COPG2: variants seen among roughly 807,000 people sequenced by gnomAD.
COPG2 encodes the protein coatomer subunit gamma-2.
Under a neutral mutation model 46.3 loss-of-function variants are expected in COPG2, and 37 were observed. The observed-to-expected ratio is 0.80, with a 90% CI of 0.61 to 1.05. The LOEUF (loss-of-function observed/expected upper bound fraction) is 1.05. Ranked by LOEUF, COPG2 falls within the 50% of genes least tolerant of loss-of-function variation. The probability of loss-of-function intolerance (pLI) is 0.00; values close to 1 mark genes in which losing one functional copy is unlikely to be tolerated. For synonymous variants in COPG2, 159 were observed against 129.7 expected (o/e 1.23, Z -1.53); for missense variants, 427 against 387.8 (o/e 1.10, Z -0.85).
intron 20 of COPG2, among the ~76,000 whole-genome samples, chr7:130,515,322 G>A (rs1455937796): frequency 6.6e-6 from 1 of 152,086 alleles, no homozygotes. Flanking sequence ...CTTCACAGGA[G>A]AAAGATAGAG....
intron 5 of COPG2, among the ~76,000 whole-genome samples, chr7:130,632,938 CCT>C (rs1554455425): frequency 1.3e-5 from 2 of 151,928 alleles, no homozygotes; most frequent in African/African-American, 4.8e-5. Context: ...TGTTCCTCTC[CCT>C]GTGTCCATGT....
intron 20 of COPG2, among the ~76,000 whole-genome samples, chr7:130,533,611 G>C (rs1307083318): frequency 6.6e-6 from 1 of 152,142 alleles, no homozygotes; most frequent in Non-Finnish European, 1.5e-5. Flanking sequence ...GGAGAAGGTA[G>C]AATGATCAGA....
chr7:130,608,179 T>C (rs1554451539), intron 9 of COPG2: 1 of 442,674 alleles, frequency 2.3e-6, no homozygotes, highest in Non-Finnish European at 4.5e-6. Flanking sequence ...TTCATCCTTA[T>C]CACAGTGTAT....
At chr7:130,613,466 A>G in intron 7 of COPG2, 78 bp downstream of exon 7, 1 of 827,758 alleles carries the variant, frequency 1.2e-6, no homozygotes. Context: ...CATTTGTGAG[A>G]CAATCATAGT....
chr7:130,527,095 G>C (rs1799781920), intron 20 of COPG2, among the ~76,000 whole-genome samples: 1 of 151,038 alleles, frequency 6.6e-6, no homozygotes, highest in African/African-American at 2.4e-5. Flanking sequence ...TTCAGGTAGG[G>C]TGGAAGTTCA....
At chr7:130,616,872 TG>T in intron 6 of COPG2, 117 bp downstream of exon 6, 1 of 588,280 alleles carries the variant, frequency 1.7e-6, no homozygotes, top group Non-Finnish European at 3.0e-6. Context: ...CTGGTGATCA[TG>T]TTTCTCTTAT....
intron 20 of COPG2, among the ~76,000 whole-genome samples, chr7:130,517,450 A>G (rs1201616243): frequency 1.3e-5 from 2 of 152,226 alleles, no homozygotes; most frequent in Non-Finnish European, 2.9e-5. Flanking sequence ...GGGAATTAGT[A>G]GATTAGCTCT....
At chr7:130,594,930 C>G (rs1794499088) in intron 9 of COPG2, among the ~76,000 whole-genome samples, 1 of 152,146 alleles carries the variant, frequency 6.6e-6, no homozygotes, top group African/African-American at 2.4e-5. Flanking sequence ...GAAAATGGTG[C>G]AGCCCCCTTG....
chr7:130,507,947 T>G, intron 21 of COPG2, 124 bp from the exon 22 acceptor site: 1 of 661,180 alleles, frequency 1.5e-6, no homozygotes, highest in Non-Finnish European at 2.7e-6. Flanking sequence ...GTTTAAGTTC[T>G]GTAGTCTGGA....
At chr7:130,626,153 T>C (rs1279518499) in intron 5 of COPG2, among the ~76,000 whole-genome samples, 1 of 152,206 alleles carries the variant, frequency 6.6e-6, no homozygotes, top group Non-Finnish European at 1.5e-5. Context: ...ACATAATAAA[T>C]AACTGTTAAC....
intron 9 of COPG2, among the ~76,000 whole-genome samples, chr7:130,591,073 C>T (rs1405318348): frequency 2.0e-5 from 3 of 150,296 alleles, no homozygotes; most frequent in African/African-American, 7.3e-5. Context: ...CGGCCAGCCG[C>T]CCCGTCCAGA....
intron 5 of COPG2, among the ~76,000 whole-genome samples, chr7:130,627,575 T>G (rs1202779330): frequency 1.3e-5 from 2 of 152,130 alleles, no homozygotes; most frequent in Non-Finnish European, 2.9e-5. Flanking sequence ...GAATCCGTCT[T>G]TCTTTACCTA....
chr7:130,659,641 T>C (rs537436505), intron 4 of COPG2, among the ~76,000 whole-genome samples: 32 of 152,178 alleles, frequency 2.1e-4, no homozygotes, highest in African/African-American at 7.5e-4. Flanking sequence ...AGGCTGGGTG[T>C]GGTGGCTCAG....
At chr7:130,621,116 G>A (rs1178114423) in intron 5 of COPG2, among the ~76,000 whole-genome samples, 6 of 152,134 alleles carry the variant, frequency 3.9e-5, no homozygotes, top group African/African-American at 1.4e-4. Context: ...TCAAGAGACT[G>A]GAATGATGGG....
intron 20 of COPG2, among the ~76,000 whole-genome samples, chr7:130,534,648 T>C (rs954669416): frequency 2.8e-4 from 43 of 152,138 alleles, no homozygotes; most frequent in Non-Finnish European, 5.1e-4. Context: ...AGGGTAATTC[T>C]TTCTTGGAGG....
chr7:130,532,484 C>G (rs1404383325), intron 20 of COPG2, among the ~76,000 whole-genome samples: 24 of 151,952 alleles, frequency 1.6e-4, no homozygotes, highest in African/African-American at 4.8e-4. Context: ...CTGACAGGAG[C>G]ACCCAGGTGG....
chr7:130,655,901 T>C (rs1554459839), intron 4 of COPG2, among the ~76,000 whole-genome samples: 2 of 152,364 alleles, frequency 1.3e-5, no homozygotes. Context: ...AAAATGTTCT[T>C]ACTATCAAAA....
chr7:130,575,294 T>C (rs782764421), intron 9 of COPG2, among the ~76,000 whole-genome samples: 13 of 151,968 alleles, frequency 8.6e-5, no homozygotes, highest in Non-Finnish European at 1.5e-4. Flanking sequence ...ATCTTAAGAG[T>C]TGTGAGACAG....
intron 20 of COPG2, among the ~76,000 whole-genome samples, chr7:130,513,883 A>AC (rs1799651393): frequency 6.6e-6 from 1 of 152,202 alleles, no homozygotes; most frequent in Non-Finnish European, 1.5e-5. Context: ...GAAGAGACGG[A>AC]GTCATTTGAA....
Sources: allele counts gnomAD v4.1 joint callset (sites outside exome capture counted in the v4.1 genomes callset), GRCh38; gene constraint gnomAD v4.1.1; transcripts MANE v1.5; gene names NCBI Gene and HGNC (gene_info 2026-07-23, HGNC 2026-07-21).